Variants in GRM7 observed in about 807,000 individuals in gnomAD.
GRM7 encodes glutamate metabotropic receptor 7.
Under a neutral mutation model 84.5 loss-of-function variants are expected in GRM7, and 35 were observed. The observed-to-expected ratio is 0.41, with a 90% CI of 0.32 to 0.55. The LOEUF (loss-of-function observed/expected upper bound fraction) is 0.55, where lower values mean the gene tolerates loss of function less well. Ranked by LOEUF, GRM7 falls within the 20% of genes least tolerant of loss-of-function variation. The pLI is 0.19. For missense variants in GRM7, 1,003 were observed against 1,194.6 expected (o/e 0.84, Z 2.36); for synonymous variants, 487 against 455.1 (o/e 1.07, Z -0.89).
intron 5 of GRM7, among the ~76,000 whole-genome samples, chr3:7,447,838 T>C (rs988569837): frequency 2.0e-5 from 3 of 151,698 alleles, no homozygotes; most frequent in Admixed American, 1.3e-4. Context: ...CATGCTGGTG[T>C]GCTGCACCCA....
chr3:7,498,847 A>G (rs1010901696), intron 7 of GRM7, among the ~76,000 whole-genome samples: 2 of 152,234 alleles, frequency 1.3e-5, no homozygotes, highest in African/African-American at 4.8e-5. Context: ...GGATGAGGCC[A>G]GAGCCCTCCA....
intron 8 of GRM7, among the ~76,000 whole-genome samples, chr3:7,662,105 G>A (rs1314755702): frequency 1.3e-5 from 2 of 152,084 alleles, no homozygotes; most frequent in African/African-American, 4.8e-5. Flanking sequence ...GCAATAATAT[G>A]GTTGAATGTC....
chr3:7,016,100 G>A (rs189778097), intron 1 of GRM7, among the ~76,000 whole-genome samples: 3 of 113,226 alleles, frequency 2.6e-5, no homozygotes, highest in Non-Finnish European at 5.4e-5. Flanking sequence ...AGAGGAATAC[G>A]CAGTTTATTA....
rs778564523 is a variant in GRM7, at chr3:7,680,153, T to A, written c.2556T>A (p.Pro852=). The A allele has an allele frequency of 6.2e-7, 1 of 1,614,040 alleles. No individual in the cohort carries two copies. Among genetic ancestry groups the A allele is most frequent in the South Asian group, 1.1e-5 (1 of 91,084 alleles). Residue 852 remains proline, a synonymous_variant, in exon 9 of 10, where the codon CCT becomes CCA. Coordinates refer to ENST00000357716, the MANE Select transcript of GRM7 (RefSeq NM_000844.4). ...AAGTGTACATCATCATTTTCCACCC[T>A]GAACTCAATGTCCAGAAACGGAAGC... ...MPKVYIIIFH[P]ELNVQKRKRS...
chr3:7,385,635 G>A (rs899622028), intron 4 of GRM7, among the ~76,000 whole-genome samples: 1 of 152,098 alleles, frequency 6.6e-6, no homozygotes, highest in Admixed American at 6.6e-5. Context: ...AAGTATCAAA[G>A]CAATAGATTT....
At chr3:7,141,190 C>T (rs1163819061) in intron 1 of GRM7, among the ~76,000 whole-genome samples, 6 of 151,918 alleles carry the variant, frequency 3.9e-5, no homozygotes, top group African/African-American at 1.4e-4. Context: ...AACTTGCTTA[C>T]ATGGAAATCC....
intron 2 of GRM7, among the ~76,000 whole-genome samples, chr3:7,289,031 C>T (rs564629965): frequency 6.6e-5 from 10 of 152,178 alleles, no homozygotes; most frequent in African/African-American, 2.2e-4. Flanking sequence ...AAATGAGAAC[C>T]GTCACTTGTA....
At position 7,195,173 on chromosome 3, in the gene GRM7, A is replaced by G. The variant is rs555623353; in HGVS notation, c.736+48505A>G. ...AATATTGTTCATGCTATTTTTAAAC[A>G]AAAGTCTTGCAGGCATTGCATAGTG... On this transcript the variant is annotated intron_variant, in intron 2 of 9. Transcript: ENST00000357716. Among the ~76,000 whole-genome samples the G allele has an allele frequency of 1.4e-4, 21 of 152,310 alleles. 1 individual carries two copies. In the South Asian group the frequency reaches 4.1e-3, roughly 30 times the overall value.
chr3:7,306,731 G>A, intron 4 of GRM7, 79 bp downstream of exon 4: 2 of 1,293,280 alleles, frequency 1.5e-6, no homozygotes, highest in Non-Finnish European at 2.1e-6. Context: ...GACTTTTTAG[G>A]GGTTTGGCAT....
At chr3:7,207,762 A>C (rs1263294432) in intron 2 of GRM7, among the ~76,000 whole-genome samples, 4 of 152,248 alleles carry the variant, frequency 2.6e-5, no homozygotes, top group Non-Finnish European at 2.9e-5. Flanking sequence ...TAGATATATC[A>C]GATTTTTAAA....
rs368508607 is a variant in GRM7 at position 7,578,466 on chromosome 3, C to T, written c.1560C>T (p.Ala520=). ...GTAAAGGAGTCCGAGAGATACCCGC[C>T]TCAGTGTGCACACTACCATGTAAGC... ...QWGKGVREIP[A]SVCTLPCKPG... Residue 520 remains alanine (A), a synonymous_variant, in exon 8 of 10, where the codon GCC becomes GCT. Transcript: ENST00000357716. 2.5e-6 allele frequency: 4 copies of T among 1,613,544 alleles called. No individual in the cohort carries two copies. Among genetic ancestry groups the T allele is most frequent in the Admixed American group, 1.7e-5 (1 of 59,974 alleles).
chr3:7,657,904 C>T (rs1163768670), intron 8 of GRM7, among the ~76,000 whole-genome samples: 1 of 152,212 alleles, frequency 6.6e-6, no homozygotes, highest in Non-Finnish European at 1.5e-5. Context: ...AAAGGAAACA[C>T]TCACTTCTCC....
intron 8 of GRM7, among the ~76,000 whole-genome samples, chr3:7,668,841 G>C (rs1208580767): frequency 6.6e-6 from 1 of 152,226 alleles, no homozygotes; most frequent in South Asian, 2.1e-4. Flanking sequence ...CATTGAACTT[G>C]TTTCTTGCTC....
chr3:7,150,536 A>T (rs561651600), intron 2 of GRM7, among the ~76,000 whole-genome samples: 1 of 152,334 alleles, frequency 6.6e-6, no homozygotes, highest in South Asian at 2.1e-4. Flanking sequence ...GGCAGATTTA[A>T]ATATGTGTGG....
chr3:6,876,080 C>G (rs1239821393), intron 1 of GRM7, among the ~76,000 whole-genome samples: 1 of 152,072 alleles, frequency 6.6e-6, no homozygotes, highest in East Asian at 1.9e-4. Flanking sequence ...CCAGCCTGGC[C>G]AACATGGTGA....
chr3:7,712,139 G>C (rs1341446617), intron 9 of GRM7, among the ~76,000 whole-genome samples: 1 of 152,178 alleles, frequency 6.6e-6, no homozygotes, highest in East Asian at 1.9e-4. Flanking sequence ...GGAAGTGCCA[G>C]ACAGAAGGGA....
At chr3:7,250,939 A>C (rs148038757) in intron 2 of GRM7, among the ~76,000 whole-genome samples, 318 of 152,302 alleles carry the variant, frequency 2.1e-3, no homozygotes, top group African/African-American at 7.2e-3. Flanking sequence ...TGGATAAGGT[A>C]CTTGATTATT....
At chr3:6,927,497 G>T (rs1697350553) in intron 1 of GRM7, among the ~76,000 whole-genome samples, 1 of 146,550 alleles carries the variant, frequency 6.8e-6, no homozygotes, top group Non-Finnish European at 1.5e-5. Flanking sequence ...AAGAAAGAAA[G>T]AAAGAAAGAA....
intron 2 of GRM7, among the ~76,000 whole-genome samples, chr3:7,222,209 T>G (rs550528760): frequency 1.8e-4 from 28 of 152,302 alleles, no homozygotes; most frequent in African/African-American, 6.5e-4. Flanking sequence ...ATGCCTTTTT[T>G]GTCAGGTATG....
Sources: allele counts gnomAD v4.1 joint callset (sites outside exome capture counted in the v4.1 genomes callset), GRCh38; gene constraint gnomAD v4.1.1; transcripts MANE v1.5; gene names NCBI Gene and HGNC (gene_info 2026-07-23, HGNC 2026-07-21).